The following NIPBL variants were observed in gnomAD, a reference collection of about 807,000 sequenced individuals.
The protein encoded by NIPBL is NIPBL cohesin loading factor.
A neutral mutation model predicts 321.8 loss-of-function variants in NIPBL; 19 were observed. That is an observed-to-expected ratio of 0.06 (90% CI 0.04 to 0.09). The LOEUF is 0.09. Ranked by LOEUF, NIPBL falls within the 10% of genes least tolerant of loss-of-function variation. The pLI, the probability that NIPBL is intolerant of heterozygous loss-of-function variation, is 1.00. For missense variants in NIPBL, 2,210 were observed against 3,327.0 expected, an observed-to-expected ratio of 0.66 and a Z score of 8.26; for synonymous variants, 1,106 against 1,114.1, an observed-to-expected ratio of 0.99 and a Z score of 0.14.
Position 37,007,442 on chromosome 5 carries a change from A to C in NIPBL, c.4207A>C (p.Ile1403Leu). 6.2e-7 allele frequency: 1 copy of C among 1,611,724 alleles called. No individual in the cohort carries two copies. The highest frequency in any genetic ancestry group is 1.1e-5 in the South Asian group (1 of 90,950). Residue 1403 changes from isoleucine to leucine, a missense_variant, in exon 18 of 47, where the codon ATA (isoleucine) becomes CTA (leucine). Physicochemically the swap from Ile to Leu is conservative, Grantham distance 5. Around this residue, in one of 14 missense-constraint regions of NIPBL, gnomAD observed 381 missense variants for 642.3 expected, o/e 0.59. Transcript: ENST00000282516. ...IVSSLSELLE[I>L]QLLTDTTILQ... ...TAGCAGCTTATCAGAATTGCTAGAG[A>C]TACAACTTCTTACAGACACAACAAT...
intron 29 of NIPBL, among the ~76,000 whole-genome samples, chr5:37,023,663 T>C (rs1177638064): frequency 3.9e-5 from 6 of 152,058 alleles, no homozygotes; most frequent in Admixed American, 3.3e-4. Context: ...GTTTTTTCAT[T>C]CTTCTTTTTT....
chr5:37,045,742 T>A (rs1752908921), intron 37 of NIPBL, 145 bp downstream of exon 37: 3 of 822,848 alleles, frequency 3.6e-6, no homozygotes, highest in Non-Finnish European at 5.9e-6. Flanking sequence ...GCTCAAAACG[T>A]GGTCCTCAGA....
chr5:37,030,094 A>G (rs1199434582), intron 32 of NIPBL, among the ~76,000 whole-genome samples: 1 of 152,242 alleles, frequency 6.6e-6, no homozygotes, highest in African/African-American at 2.4e-5. Flanking sequence ...ACTAAAAAGA[A>G]TCTACAATAA....
At chr5:36,990,345 G>A (rs1251925983) in intron 10 of NIPBL, among the ~76,000 whole-genome samples, 1 of 152,166 alleles carries the variant, frequency 6.6e-6, no homozygotes, top group Non-Finnish European at 1.5e-5. Context: ...AACCAGTCTA[G>A]TTAGATGGTG....
In NIPBL at chr5:36,935,435, A is replaced by G. The variant is rs28420676; in HGVS notation, c.-79-18183A>G. On this transcript the variant is annotated intron_variant, in intron 1 of 46. Coordinates refer to ENST00000282516, the MANE Select transcript of NIPBL (RefSeq NM_133433.4). Reference sequence around the variant, plus strand: ...ATGGGTCTTCTCTAAGTCACCAGTAACTTGCATCAAGTCTAGTGATCAGTT... The same window carrying G: ...ATGGGTCTTCTCTAAGTCACCAGTAGCTTGCATCAAGTCTAGTGATCAGTT... 6.9e-3 allele frequency among the ~76,000 whole-genome samples: 1,046 copies of G among 152,202 alleles called. 12 individuals carry two copies. Among genetic ancestry groups the G allele is most frequent in the African/African-American group, 0.024 (991 of 41,526 alleles).
At chr5:36,947,150 C>T (rs1297294480) in intron 1 of NIPBL, among the ~76,000 whole-genome samples, 2 of 152,010 alleles carry the variant, frequency 1.3e-5, no homozygotes, top group African/African-American at 4.8e-5. Flanking sequence ...TCCCCTACAG[C>T]ATTACTTTAT....
At chr5:36,979,692 A>G (rs1172862787) in intron 9 of NIPBL, among the ~76,000 whole-genome samples, 1 of 151,714 alleles carries the variant, frequency 6.6e-6, no homozygotes, top group Admixed American at 6.6e-5. Flanking sequence ...AGTTTGCAGT[A>G]TGAGGTTCAG....
At chr5:36,932,349 T>G (rs1350208508) in intron 1 of NIPBL, among the ~76,000 whole-genome samples, 1 of 152,202 alleles carries the variant, frequency 6.6e-6, no homozygotes, top group Non-Finnish European at 1.5e-5. Context: ...GGTTTGTGCT[T>G]CATATATGTG....
chr5:36,995,433 A>G (rs987295567), intron 10 of NIPBL, 189 bp from the exon 11 acceptor site: 89 of 531,158 alleles, frequency 1.7e-4, no homozygotes, highest in African/African-American at 1.6e-3. Context: ...TTATATGTAT[A>G]TATGTACACA....
chr5:37,033,768 G>T (rs1477546025), intron 32 of NIPBL, among the ~76,000 whole-genome samples: 4 of 107,066 alleles, frequency 3.7e-5, no homozygotes, highest in Non-Finnish European at 3.5e-5. Context: ...TGGTCTTGCT[G>T]TGTTGCCCAG....
chr5:37,018,929 C>A (rs1749306809), intron 24 of NIPBL, among the ~76,000 whole-genome samples: 1 of 151,806 alleles, frequency 6.6e-6, no homozygotes, highest in African/African-American at 2.4e-5. Flanking sequence ...ATGGTGAAAC[C>A]CTGTCTCTAC....
In NIPBL at chr5:37,039,509, G is replaced by T. The variant is rs369755944; in HGVS notation, c.6108+771G>T. 1.1e-4 allele frequency among the ~76,000 whole-genome samples: 16 copies of T among 152,112 alleles called. No homozygotes were observed. In the South Asian group the frequency reaches 3.3e-3, roughly 31 times the overall value. The stretch of plus-strand genomic sequence containing the variant: ...GCATAGTGAGTTACGTGGTTTACAT[G>T]TATAATGTCATTTGCTTTATGAAGT... On this transcript the variant is annotated intron_variant, in intron 34 of 46. Transcript: ENST00000282516.
rs757705328 is a variant in NIPBL, at chr5:37,000,777, G to A, written c.3503-40G>A. The A allele has an allele frequency of 4.0e-6, 6 of 1,514,334 alleles. No homozygotes were observed. The South Asian group carries it at 4.5e-5, about 11-fold the overall frequency. The allele number at this position is 1,514,334 out of a possible 1,614,324, so 93.8% of individuals were successfully genotyped here. A position where few individuals can be genotyped will look rare whatever the true frequency, so the allele number is the denominator to read the frequency against. Reference sequence around the variant, plus strand: ...AACAAAAATGGAATTATTTTAAGTTGTCAGTCCTGCATTTCAGTACTTCTT... The same window carrying A: ...AACAAAAATGGAATTATTTTAAGTTATCAGTCCTGCATTTCAGTACTTCTT... On this transcript the variant is annotated intron_variant, in intron 12 of 46. Transcript: ENST00000282516.
chr5:36,924,205 A>G (rs1165166860), intron 1 of NIPBL, among the ~76,000 whole-genome samples: 3 of 152,182 alleles, frequency 2.0e-5, no homozygotes, highest in Non-Finnish European at 4.4e-5. Flanking sequence ...AAATGTTACA[A>G]CTGCAGTAAG....
At chr5:36,988,934 G>A (rs1210743235) in intron 10 of NIPBL, among the ~76,000 whole-genome samples, 1 of 152,142 alleles carries the variant, frequency 6.6e-6, no homozygotes, top group African/African-American at 2.4e-5. Flanking sequence ...GTATGAGCAT[G>A]ATAAATGTAA....
intron 9 of NIPBL, among the ~76,000 whole-genome samples, chr5:36,978,149 A>G (rs1743717926): frequency 6.6e-6 from 1 of 152,036 alleles, no homozygotes; most frequent in East Asian, 1.9e-4. Context: ...GTCAAATGGT[A>G]GTTCTATTTT....
chr5:37,013,464 G>A (rs1384364211), intron 21 of NIPBL, among the ~76,000 whole-genome samples: 4 of 151,168 alleles, frequency 2.6e-5, no homozygotes, highest in Non-Finnish European at 3.0e-5. Flanking sequence ...GGCGGCTGCC[G>A]GGCGGAGGGG....
At chr5:36,886,210 G>A (rs1462365624) in intron 1 of NIPBL, 1 of 656,968 alleles carries the variant, frequency 1.5e-6, no homozygotes, top group African/African-American at 1.8e-5. Context: ...CCTGCAGGTA[G>A]AGCAGCTCAA....
intron 1 of NIPBL, among the ~76,000 whole-genome samples, chr5:36,950,608 A>T (rs1740179576): frequency 6.6e-6 from 1 of 152,042 alleles, no homozygotes; most frequent in African/African-American, 2.4e-5. Context: ...TAATCTACTA[A>T]TCAGTCACCA....
Sources: allele counts gnomAD v4.1 joint callset (sites outside exome capture counted in the v4.1 genomes callset), GRCh38; gene constraint gnomAD v4.1.1; regional missense constraint gnomAD v4.1.1; transcripts MANE v1.5; gene names NCBI Gene and HGNC (gene_info 2026-07-23, HGNC 2026-07-21).